GLMN: variants seen among roughly 807,000 people sequenced by gnomAD.
GLMN encodes the protein glomulin.
In GLMN, 75 loss-of-function variants were observed where a neutral mutation model predicts 87.8. The ratio of observed to expected loss-of-function variants is 0.85; its 90% CI spans 0.71 to 1.04. The LOEUF (loss-of-function observed/expected upper bound fraction) is 1.04. GLMN is among the 50% of genes least tolerant of loss of function. The probability of loss-of-function intolerance (pLI) is 0.00; values close to 1 mark genes in which losing one functional copy is unlikely to be tolerated. For synonymous variants in GLMN, 206 were observed against 221.6 expected, an observed-to-expected ratio of 0.93 and a Z score of 0.63; for missense variants, 588 against 658.8, an observed-to-expected ratio of 0.89 and a Z score of 1.18.
chr1:92,343,774 AAAG>A, the GLMN span, among the ~76,000 whole-genome samples: 1 of 152,226 alleles, frequency 6.6e-6, no homozygotes, highest in Non-Finnish European at 1.5e-5. Flanking sequence ...TATGGAAAAA[AAAG>A]AAAAACATAT....
Position 92,290,563 on chromosome 1 carries a change from C to T in GLMN, c.286-257G>A, listed in dbSNP as rs79875753. Among the ~76,000 whole-genome samples, 385 of 152,282 alleles carry T rather than the reference C, an allele frequency of 2.5e-3. 3 individuals are homozygous for T. The highest frequency in any genetic ancestry group is 9.3e-3 in the South Asian group (45 of 4,824). On this transcript the variant is annotated intron_variant, in intron 4 of 18. Coordinates refer to ENST00000370360, the MANE Select transcript of GLMN (RefSeq NM_053274.3). ...AGGTTTCCTTTGAGCTTCACCTGTC[C>T]ACTCTGAAATTGCCTTAACAGATTC...
At chr1:92,303,839 C>G, upstream of GLMN, 1 of 498,996 alleles carries the variant, frequency 2.0e-6, no homozygotes, top group Non-Finnish European at 3.4e-6. Flanking sequence ...ATTTTCTCCT[C>G]TAATTCTAAC....
the GLMN span, among the ~76,000 whole-genome samples, chr1:92,370,494 A>G: frequency 6.6e-6 from 1 of 152,368 alleles, no homozygotes; most frequent in South Asian, 2.1e-4. Flanking sequence ...TCCATGAAGA[A>G]GAAAATAAAA....
At chr1:92,308,227 A>G in the GLMN span, among the ~76,000 whole-genome samples, 1 of 152,232 alleles carries the variant, frequency 6.6e-6, no homozygotes, top group Admixed American at 6.5e-5. Context: ...GGTTTAGGAT[A>G]TGGAAAACTT....
At chr1:92,324,384 T>G in the GLMN span, 1 of 1,587,664 alleles carries the variant, frequency 6.3e-7, no homozygotes, top group South Asian at 1.1e-5. Context: ...AGGTATGTCT[T>G]ACAGACATTG....
intron 16 of GLMN, among the ~76,000 whole-genome samples, chr1:92,250,288 T>C (rs1337333023): frequency 1.7e-5 from 2 of 118,728 alleles, no homozygotes; most frequent in African/African-American, 6.0e-5. Flanking sequence ...ATTCCTAATG[T>C]ATCACTTAAA....
chr1:92,290,657 CTT>C (rs1649300151), intron 4 of GLMN, among the ~76,000 whole-genome samples: 1 of 152,162 alleles, frequency 6.6e-6, no homozygotes, highest in Non-Finnish European at 1.5e-5. Flanking sequence ...TCTGGAATCT[CTT>C]TTGTATTTTT....
At chr1:92,333,624 A>AT in the GLMN span, 3 of 634,006 alleles carry the variant, frequency 4.7e-6, no homozygotes, top group Non-Finnish European at 8.1e-6. Flanking sequence ...AGAAATTTGG[A>AT]TTTTTAAGAT....
At position 92,297,544 on chromosome 1, in the gene GLMN, A is replaced by C. The variant is rs1650248642; in HGVS notation, c.40-15T>G. On this transcript the variant is annotated splice_polypyrimidine_tract_variant and intron_variant, in intron 2 of 18. Transcript: ENST00000370360. ...TCTAGGATTTGCTGGCAAAAAAAAA[A>C]AAAACCCAAAAAACAAACAAAAAAA... 1.9e-6 allele frequency: 3 copies of C among 1,591,974 alleles called. No homozygotes were observed. Among genetic ancestry groups the C allele is most frequent in the Non-Finnish European group, 2.6e-6 (3 of 1,171,284 alleles).
chr1:92,301,485 A>T (rs756359718), upstream of GLMN: 4 of 1,574,842 alleles, frequency 2.5e-6, no homozygotes, highest in African/African-American at 5.5e-5. Flanking sequence ...GGAAAGCTGA[A>T]CTAGAAGCAG....
chr1:92,303,665 G>A (rs1651018309), upstream of GLMN, among the ~76,000 whole-genome samples: 1 of 152,064 alleles, frequency 6.6e-6, no homozygotes, highest in African/African-American at 2.4e-5. Flanking sequence ...CATTTAGCTT[G>A]TGTATAGCTA....
At chr1:92,285,541 C>G (rs1648644363) in intron 7 of GLMN, among the ~76,000 whole-genome samples, 1 of 152,150 alleles carries the variant, frequency 6.6e-6, no homozygotes, top group Non-Finnish European at 1.5e-5. Context: ...TGCAGCAAAC[C>G]AACATGGCAC....
At chr1:92,325,700 C>G in the GLMN span, among the ~76,000 whole-genome samples, 1 of 152,098 alleles carries the variant, frequency 6.6e-6, no homozygotes, top group South Asian at 2.1e-4. Flanking sequence ...TAGGTCATTA[C>G]AAGTAAACTA....
intron 16 of GLMN, among the ~76,000 whole-genome samples, chr1:92,256,291 C>T (rs1367731888): frequency 6.6e-6 from 1 of 151,918 alleles, no homozygotes; most frequent in Non-Finnish European, 1.5e-5. Flanking sequence ...AGCCCAGGAC[C>T]AGACAGATTC....
chr1:92,368,358 G>A, the GLMN span, among the ~76,000 whole-genome samples: 2 of 152,066 alleles, frequency 1.3e-5, no homozygotes, highest in African/African-American at 2.4e-5. Flanking sequence ...TAGCCTGGGC[G>A]ACAGAGCAAG....
the GLMN span, among the ~76,000 whole-genome samples, chr1:92,318,294 T>G: frequency 6.6e-6 from 1 of 152,200 alleles, no homozygotes; most frequent in Non-Finnish European, 1.5e-5. Flanking sequence ...TTCAGTCCTC[T>G]TAGCATCCCT....
At chr1:92,253,622 C>A (rs1335709145) in intron 16 of GLMN, among the ~76,000 whole-genome samples, 1 of 152,190 alleles carries the variant, frequency 6.6e-6, no homozygotes, top group Non-Finnish European at 1.5e-5. Flanking sequence ...GATACCCGGG[C>A]AAACAGGGTC....
the GLMN span, among the ~76,000 whole-genome samples, chr1:92,311,712 C>G: frequency 6.6e-6 from 1 of 152,176 alleles, no homozygotes. Flanking sequence ...TGGTTCCAGA[C>G]CACCACTATA....
At chr1:92,302,035 C>T (rs900159878), upstream of GLMN, among the ~76,000 whole-genome samples, 1 of 152,258 alleles carries the variant, frequency 6.6e-6, no homozygotes, top group Non-Finnish European at 1.5e-5. Flanking sequence ...AATCCCAGCA[C>T]TTTGGGAGGC....
Sources: gnomAD v4.1 joint callset for allele counts (sites outside exome capture counted in the v4.1 genomes callset) on GRCh38, gnomAD v4.1.1 for gene constraint, MANE v1.5 for transcripts, NCBI Gene and HGNC (gene_info 2026-07-23, HGNC 2026-07-21) for gene names.